NTNG1: variants seen among roughly 807,000 people sequenced by gnomAD.
NTNG1 encodes the protein netrin-G1.
Under a neutral mutation model 54.0 loss-of-function variants are expected in NTNG1, and 16 were observed. The ratio of observed to expected loss-of-function variants is 0.30; its 90% CI spans 0.20 to 0.45. NTNG1 has a LOEUF of 0.45. NTNG1 is among the 20% of genes least tolerant of loss of function. The pLI, the probability that NTNG1 is intolerant of heterozygous loss-of-function variation, is 1.00. For missense variants in NTNG1, 530 were observed against 678.7 expected (o/e 0.78, Z 2.43); for synonymous variants, 255 against 263.1 (o/e 0.97, Z 0.30).
At chr1:107,378,509 G>A (rs1309601286) in intron 3 of NTNG1, among the ~76,000 whole-genome samples, 2 of 152,178 alleles carry the variant, frequency 1.3e-5, no homozygotes, top group Non-Finnish European at 2.9e-5. Context: ...CAAATCTGGG[G>A]TACTTGGGGA....
chr1:107,178,832 G>A (rs1656844934), intron 2 of NTNG1, among the ~76,000 whole-genome samples: 1 of 152,134 alleles, frequency 6.6e-6, no homozygotes, highest in Non-Finnish European at 1.5e-5. Context: ...AATCTTAGTG[G>A]CTTGCAACAT....
rs549461187 is a variant in NTNG1 at position 107,463,393 on chromosome 1, C to T, written c.1391-17218C>T. On this transcript the variant is annotated intron_variant, in intron 7 of 7. Transcript: ENST00000370068. ...ATTGTAAACTCAATCTGTATCATGT[C>T]GTTTATAACTTGGTCATAAAAATCC... Among the ~76,000 whole-genome samples, 49 of 152,190 alleles carry T rather than the reference C, an allele frequency of 3.2e-4. 1 individual carries two copies. The highest frequency in any genetic ancestry group is 1.1e-3 in the African/African-American group (46 of 41,522).
At chr1:107,454,330 C>T (rs539201111) in intron 7 of NTNG1, among the ~76,000 whole-genome samples, 1 of 152,268 alleles carries the variant, frequency 6.6e-6, no homozygotes, top group African/African-American at 2.4e-5. Flanking sequence ...CTATTGCACC[C>T]ATGCATACTT....
chr1:107,442,990 CT>C (rs1297386131), intron 7 of NTNG1, among the ~76,000 whole-genome samples: 4 of 152,126 alleles, frequency 2.6e-5, no homozygotes, highest in Non-Finnish European at 5.9e-5. Flanking sequence ...GTAATGACAA[CT>C]TCCCCAGACT....
chr1:107,146,490 A>G (rs962347170), intron 1 of NTNG1, among the ~76,000 whole-genome samples: 2 of 152,108 alleles, frequency 1.3e-5, no homozygotes, highest in African/African-American at 2.4e-5. Context: ...GCAGAAGGCT[A>G]TAGTAGCCAC....
At chr1:107,318,732 G>A (rs899033392) in intron 2 of NTNG1, among the ~76,000 whole-genome samples, 3 of 152,108 alleles carry the variant, frequency 2.0e-5, no homozygotes, top group African/African-American at 7.2e-5. Flanking sequence ...CCAATGGGGG[G>A]TCTTGGAACA....
chr1:107,200,716 G>A (rs912763437), intron 2 of NTNG1, among the ~76,000 whole-genome samples: 1 of 151,568 alleles, frequency 6.6e-6, no homozygotes, highest in African/African-American at 2.4e-5. Flanking sequence ...TGTAAAAGAG[G>A]GCTTGATTTT....
At chr1:107,388,122 C>T (rs151217730) in intron 3 of NTNG1, among the ~76,000 whole-genome samples, 14 of 152,266 alleles carry the variant, frequency 9.2e-5, no homozygotes, top group East Asian at 3.9e-4. Context: ...AATCCCTATG[C>T]GACCTCTCAT....
At position 107,407,750 on chromosome 1, in the gene NTNG1, A is replaced by C. The variant is rs1673528781; in HGVS notation, c.1087+42A>C. Reference sequence around the variant, plus strand: ...ACAAAAAAAACACCAAACCAAGTCTAGGCTAGCTTTGCTTTGTTGTTCACC... The same window carrying C: ...ACAAAAAAAACACCAAACCAAGTCTCGGCTAGCTTTGCTTTGTTGTTCACC... On this transcript the variant is annotated intron_variant, in intron 5 of 7. Transcript: ENST00000370068. 3.9e-6 allele frequency: 6 copies of C among 1,553,882 alleles called. No homozygotes were observed. The East Asian group carries it at 1.3e-4, about 35-fold the overall frequency.
intron 2 of NTNG1, among the ~76,000 whole-genome samples, chr1:107,174,512 T>C (rs1401398476): frequency 6.6e-6 from 1 of 152,072 alleles, no homozygotes; most frequent in Non-Finnish European, 1.5e-5. Context: ...TTGGTAAAAC[T>C]CTCCCTGTTC....
At chr1:107,479,198 A>C (rs1417452579) in intron 7 of NTNG1, among the ~76,000 whole-genome samples, 1 of 152,232 alleles carries the variant, frequency 6.6e-6, no homozygotes, top group Admixed American at 6.5e-5. Context: ...TGGTCTATTT[A>C]GGGCACTCTG....
chr1:107,473,835 C>T (rs142043779), intron 7 of NTNG1, among the ~76,000 whole-genome samples: 125 of 152,292 alleles, frequency 8.2e-4, no homozygotes, highest in Admixed American at 2.5e-3. Context: ...AGCTTTTCCA[C>T]CAGGTTTCCA....
intron 7 of NTNG1, among the ~76,000 whole-genome samples, chr1:107,439,277 CGT>C (rs3064151): frequency 0.012 from 1,783 of 145,858 alleles, 21 homozygotes; most frequent in African/African-American, 0.025. Flanking sequence ...CCAGAACTTG[CGT>C]GTGTGTGTGT....
intron 2 of NTNG1, among the ~76,000 whole-genome samples, chr1:107,290,103 C>T (rs757147713): frequency 9.9e-5 from 15 of 152,202 alleles, no homozygotes; most frequent in African/African-American, 2.2e-4. Context: ...TCCTGTACCA[C>T]GAATAACTTA....
At chr1:107,468,169 A>G (rs1017671299) in intron 7 of NTNG1, among the ~76,000 whole-genome samples, 1 of 152,204 alleles carries the variant, frequency 6.6e-6, no homozygotes, top group Admixed American at 6.5e-5. Context: ...GCTATTTTTC[A>G]TACTTAAATA....
chr1:107,437,991 ATAT>A (rs902414483), intron 7 of NTNG1, among the ~76,000 whole-genome samples: 219 of 152,306 alleles, frequency 1.4e-3, no homozygotes, highest in African/African-American at 5.1e-3. Context: ...AGAAAACTGT[ATAT>A]TATTTGTATA....
chr1:107,192,422 C>A lies in NTNG1; in HGVS notation c.246+43583C>A, dbSNP rs566401665. Among the ~76,000 whole-genome samples the A allele has an allele frequency of 3.9e-5, 6 of 152,166 alleles. No homozygotes were observed. The South Asian group carries it at 1.2e-3, about 32-fold the overall frequency. ...AAAGCCTTATCCCAAGGGTTGACAT[C>A]AGTTCTAATGTGTCTCACTATGGTT... is the stretch of plus-strand genomic sequence containing the variant. On this transcript the variant is annotated intron_variant, in intron 2 of 7. Coordinates refer to ENST00000370068, the MANE Select transcript of NTNG1 (RefSeq NM_001113226.3).
Position 107,158,099 on chromosome 1 carries a change from T to A in NTNG1, c.246+9260T>A, listed in dbSNP as rs116056174. On this transcript the variant is annotated intron_variant, in intron 2 of 7. Coordinates refer to ENST00000370068, the MANE Select transcript of NTNG1 (RefSeq NM_001113226.3). ...CTCTCAGGCAAAGCATCCTTTCCCC[T>A]TAGAATCAGTCCCTTTGAAAAAAGT... is the stretch of plus-strand genomic sequence containing the variant. 6.6e-3 allele frequency among the ~76,000 whole-genome samples: 1,010 copies of A among 152,258 alleles called. 11 individuals carry two copies. The highest frequency in any genetic ancestry group is 0.023 in the African/African-American group (972 of 41,546).
At chr1:107,161,484 A>G (rs1341908761) in intron 2 of NTNG1, among the ~76,000 whole-genome samples, 2 of 151,922 alleles carry the variant, frequency 1.3e-5, no homozygotes, top group Non-Finnish European at 2.9e-5. Flanking sequence ...AACATGGCAA[A>G]ACCCCATCTC....
Sources: allele counts gnomAD v4.1 joint callset (sites outside exome capture counted in the v4.1 genomes callset), GRCh38; gene constraint gnomAD v4.1.1; transcripts MANE v1.5; gene names NCBI Gene and HGNC (gene_info 2026-07-23, HGNC 2026-07-21).